The following ABHD12B variants were observed in gnomAD, a reference collection of about 807,000 sequenced individuals.
ABHD12B encodes the protein abhydrolase domain containing 12B.
A neutral mutation model predicts 50.4 loss-of-function variants in ABHD12B; 42 were observed. The observed-to-expected ratio is 0.83, with a 90% CI of 0.65 to 1.08. ABHD12B has a LOEUF of 1.08. Ranked by LOEUF, ABHD12B falls within the 50% of genes least tolerant of loss-of-function variation. The pLI is 0.00. For synonymous variants in ABHD12B, 167 were observed against 160.3 expected, an observed-to-expected ratio of 1.04 and a Z score of -0.32; for missense variants, 479 against 447.7, an observed-to-expected ratio of 1.07 and a Z score of -0.63.
chr14:50,903,999 C>A (rs903209219), intron 11 of ABHD12B, 75 bp from the exon 12 acceptor site: 1 of 1,246,790 alleles, frequency 8.0e-7, no homozygotes, highest in Non-Finnish European at 1.1e-6. Context: ...TTTCTGTACA[C>A]TTTTAGGGAA....
At chr14:50,903,530 A>G in intron 11 of ABHD12B, 63 bp downstream of exon 11, 1 of 1,433,936 alleles carries the variant, frequency 7.0e-7, no homozygotes, top group South Asian at 1.2e-5. Flanking sequence ...TTTTTCATTC[A>G]GCCAAACTTT....
intron 10 of ABHD12B, 94 bp downstream of exon 10, chr14:50,902,005 T>C: frequency 2.7e-6 from 2 of 732,162 alleles, no homozygotes; most frequent in Non-Finnish European, 4.4e-6. Flanking sequence ...ACATGAGACA[T>C]CCTGAATATC....
chr14:50,877,695 T>C (rs988227782), intron 1 of ABHD12B, among the ~76,000 whole-genome samples: 1 of 152,042 alleles, frequency 6.6e-6, no homozygotes, highest in Non-Finnish European at 1.5e-5. Flanking sequence ...GGTGAAACCC[T>C]GTCTCTACTA....
At chr14:50,887,434 A>G (rs374958350) in intron 8 of ABHD12B, among the ~76,000 whole-genome samples, 2 of 152,250 alleles carry the variant, frequency 1.3e-5, no homozygotes, top group South Asian at 2.1e-4. Context: ...GGTCATTTAA[A>G]AAAAATTAAA....
intron 11 of ABHD12B, 75 bp from the exon 12 acceptor site, chr14:50,903,999 C>T (rs903209219): frequency 3.2e-6 from 4 of 1,246,794 alleles, no homozygotes; most frequent in Non-Finnish European, 4.6e-6. Flanking sequence ...TTTCTGTACA[C>T]TTTTAGGGAA....
chr14:50,873,647 C>T lies in ABHD12B; in HGVS notation c.104+1369C>T, dbSNP rs372690582. Among the ~76,000 whole-genome samples, 317 of 152,302 alleles carry T rather than the reference C, an allele frequency of 2.1e-3. 2 individuals carry two copies. Among genetic ancestry groups the T allele is most frequent in the African/African-American group, 7.3e-3 (303 of 41,548 alleles). On this transcript the variant is annotated intron_variant, in intron 1 of 12. Coordinates refer to ENST00000337334, the MANE Select transcript of ABHD12B (RefSeq NM_001206673.2). The stretch of plus-strand genomic sequence containing the variant: ...AACACGTGGCAGAATGTCCTGATTG[C>T]ACTTGTCAAACTGCATATTAACAGG...
At chr14:50,881,508 C>T in intron 4 of ABHD12B, 88 bp from the exon 5 acceptor site, 1 of 1,434,700 alleles carries the variant, frequency 7.0e-7, no homozygotes, top group Non-Finnish European at 9.5e-7. Context: ...AGATCAGATA[C>T]CAGCAGCACG....
Position 50,885,806 on chromosome 14 carries a change from G to T in ABHD12B, c.573G>T (p.Leu191=). ...CAGGTAAGCCCACAGAGGAGGGACT[G>T]ACTACGGATGCCATTTGTGTCTATG... ...DSTGKPTEEG[L]TTDAICVYEW... The change falls in exon 7 of 13, where the codon CTG becomes CTT. Residue 191 remains leucine, a synonymous_variant. Transcript: ENST00000337334. The T allele has an allele frequency of 6.2e-7, 1 of 1,614,194 alleles. No homozygotes were observed. Among genetic ancestry groups the T allele is most frequent in the South Asian group, 1.1e-5 (1 of 91,064 alleles).
At chr14:50,873,070 G>T (rs967147225) in intron 1 of ABHD12B, among the ~76,000 whole-genome samples, 5 of 152,178 alleles carry the variant, frequency 3.3e-5, no homozygotes, top group Non-Finnish European at 7.3e-5. Flanking sequence ...GTGTGGGAAG[G>T]TATTGGCATT....
chr14:50,892,436 A>G, intron 9 of ABHD12B: 1 of 985,454 alleles, frequency 1.0e-6, no homozygotes, highest in Non-Finnish European at 1.2e-6. Context: ...GCTTTGAAGC[A>G]AAGGGCCTGT....
At chr14:50,885,287 A>G (rs1400609279) in intron 5 of ABHD12B, among the ~76,000 whole-genome samples, 2 of 152,188 alleles carry the variant, frequency 1.3e-5, no homozygotes, top group Non-Finnish European at 2.9e-5. Context: ...AGATACCTAG[A>G]GCATCCTAGA....
intron 1 of ABHD12B, among the ~76,000 whole-genome samples, chr14:50,874,472 T>C (rs1165794053): frequency 6.6e-6 from 1 of 152,080 alleles, no homozygotes; most frequent in African/African-American, 2.4e-5. Context: ...TGGTGGCACA[T>C]GCCCGTAGTC....
chr14:50,895,090 A>G (rs28853067), intron 9 of ABHD12B, among the ~76,000 whole-genome samples: 2,995 of 149,908 alleles, frequency 0.02, 76 homozygotes, highest in East Asian at 0.09. Context: ...GCTCTTTTTC[A>G]TCAAATATAA....
chr14:50,892,529 C>CTAAGAATAA, intron 9 of ABHD12B: 1 of 985,394 alleles, frequency 1.0e-6, no homozygotes, highest in Non-Finnish European at 1.2e-6. Context: ...CTTCTGTCAT[C>CTAAGAATAA]TAAGAATAAG....
intron 8 of ABHD12B, among the ~76,000 whole-genome samples, chr14:50,888,081 C>T (rs932709477): frequency 6.6e-6 from 1 of 152,188 alleles, no homozygotes; most frequent in Admixed American, 6.5e-5. Flanking sequence ...CTTAACCAAC[C>T]ACATCTTTTC....
rs748478917 is a variant in ABHD12B, at chr14:50,878,799, C to T, written c.287C>T (p.Thr96Ile). Residue 96 changes from threonine (T) to isoleucine (I), a missense_variant, in exon 3 of 13, where the codon ACA (threonine) becomes ATA (isoleucine). By Grantham distance (89) the Thr-to-Ile change is moderately conservative. Coordinates refer to ENST00000337334, the MANE Select transcript of ABHD12B (RefSeq NM_001206673.2). Reference protein sequence around the residue: ...LKKPELKIPHTVNFYLRVEPG... With the variant: ...LKKPELKIPHIVNFYLRVEPG... ...AAACCAGAGTTAAAGATTCCTCACA[C>T]AGTGAACTTCTACCTGAGAGTTGAA... 30 of 1,613,908 alleles carry T rather than the reference C, an allele frequency of 1.9e-5. No homozygotes were observed. The highest frequency in any genetic ancestry group is 2.4e-5 in the Non-Finnish European group (28 of 1,179,900).
intron 5 of ABHD12B, among the ~76,000 whole-genome samples, chr14:50,884,966 C>T (rs1347162277): frequency 1.3e-5 from 2 of 152,168 alleles, no homozygotes; most frequent in Non-Finnish European, 2.9e-5. Flanking sequence ...GCTTCTACTA[C>T]AACTCTGTGT....
intron 9 of ABHD12B, among the ~76,000 whole-genome samples, chr14:50,895,118 T>C (rs1368096016): frequency 6.7e-6 from 1 of 150,176 alleles, no homozygotes; most frequent in Non-Finnish European, 1.5e-5. Flanking sequence ...GCCCAGTTCA[T>C]GACGTGTTTG....
intron 11 of ABHD12B, 105 bp from the exon 12 acceptor site, chr14:50,903,969 C>T: frequency 1.1e-6 from 1 of 912,066 alleles, no homozygotes; most frequent in Admixed American, 2.2e-5. Context: ...CTTAATGGAA[C>T]AAACTCCCCA....
Sources: gnomAD v4.1 joint callset for allele counts (sites outside exome capture counted in the v4.1 genomes callset) on GRCh38, gnomAD v4.1.1 for gene constraint, MANE v1.5 for transcripts, NCBI Gene and HGNC (gene_info 2026-07-23, HGNC 2026-07-21) for gene names.